Variants in FAT3 observed in about 807,000 individuals in gnomAD.
FAT3 encodes protocadherin Fat 3.
Under a neutral mutation model 310.2 loss-of-function variants are expected in FAT3, and 95 were observed. That is an observed-to-expected ratio of 0.31 (90% CI 0.26 to 0.36). The LOEUF is 0.36. Ranked by LOEUF, FAT3 falls within the 10% of genes least tolerant of loss-of-function variation. FAT3 has a pLI of 1.00. For synonymous variants in FAT3, 2,314 were observed against 2,192.9 expected (o/e 1.06, Z -1.54); for missense variants, 5,408 against 5,715.6 (o/e 0.95, Z 1.74).
chr11:92,450,413 G>A (rs1055467966), intron 2 of FAT3, among the ~76,000 whole-genome samples: 16 of 152,180 alleles, frequency 1.1e-4, no homozygotes, highest in Admixed American at 2.6e-4. Context: ...GGTAGGGTAG[G>A]GATTTATGGG....
rs5793613 is a variant in FAT3 at position 92,605,719 on chromosome 11, G to GTTTTT, written c.3607+80791_3607+80795dup. 7.1e-3 allele frequency among the ~76,000 whole-genome samples: 709 copies of GTTTTT among 99,720 alleles called. 28 individuals are homozygous for GTTTTT. Among genetic ancestry groups the GTTTTT allele is most frequent in the African/African-American group, 0.027 (643 of 23,840 alleles). 65.4% of individuals were successfully genotyped at this position (99,720 alleles called of 152,430 possible). On this transcript the variant is annotated intron_variant, in intron 3 of 27. Coordinates refer to ENST00000525166, the MANE Select transcript of FAT3 (RefSeq NM_001367949.2). ...CAAGATAATGCAATAAAATAGCTAT[G>GTTTTT]TTTTTTTTTTTTTTTTTTTTTTTTA...
intron 1 of FAT3, among the ~76,000 whole-genome samples, chr11:92,283,637 C>T (rs1946485830): frequency 6.6e-6 from 1 of 152,084 alleles, no homozygotes; most frequent in South Asian, 2.1e-4. Flanking sequence ...CAACTAAAAG[C>T]TAAGTGATGT....
intron 3 of FAT3, among the ~76,000 whole-genome samples, chr11:92,528,985 G>A (rs974312416): frequency 1.3e-5 from 2 of 152,222 alleles, no homozygotes; most frequent in African/African-American, 4.8e-5. Context: ...AGGCAGCCAT[G>A]TCTTGCCTTA....
chr11:92,314,999 T>C (rs947786781), intron 1 of FAT3, among the ~76,000 whole-genome samples: 4 of 152,056 alleles, frequency 2.6e-5, no homozygotes, highest in Admixed American at 2.6e-4. Flanking sequence ...TCAAGACTTT[T>C]TTACTCCTAA....
chr11:92,569,511 G>C (rs1326789805), intron 3 of FAT3, among the ~76,000 whole-genome samples: 4 of 152,158 alleles, frequency 2.6e-5, no homozygotes, highest in Non-Finnish European at 5.9e-5. Flanking sequence ...AACGAAAGTT[G>C]AGAACAAGGC....
chr11:92,620,741 T>G (rs1387252479), intron 3 of FAT3, among the ~76,000 whole-genome samples: 2 of 152,222 alleles, frequency 1.3e-5, no homozygotes. Context: ...GTTATTTCTT[T>G]TATGATTATC....
At chr11:92,336,031 G>C in intron 1 of FAT3, 2 of 492,630 alleles carry the variant, frequency 4.1e-6, no homozygotes, top group South Asian at 3.1e-5. Flanking sequence ...TCAGCAACTG[G>C]TCAGTTCTCA....
At chr11:92,677,888 C>A (rs58254134) in intron 3 of FAT3, among the ~76,000 whole-genome samples, 4,133 of 152,220 alleles carry the variant, frequency 0.027, 204 homozygotes, top group African/African-American at 0.094. Context: ...GCAAGTGGCT[C>A]AAGAGTGCTG....
At chr11:92,790,254 C>T in intron 8 of FAT3, 36 bp downstream of exon 8, 2 of 1,604,158 alleles carry the variant, frequency 1.2e-6, no homozygotes, top group South Asian at 1.1e-5. Context: ...TCCTACAGAA[C>T]CACTGACTGT....
At chr11:92,790,964 A>C (rs1379642196) in intron 8 of FAT3, among the ~76,000 whole-genome samples, 1 of 152,178 alleles carries the variant, frequency 6.6e-6, no homozygotes, top group East Asian at 1.9e-4. Context: ...GACCAGGTAG[A>C]AGGACAGACT....
chr11:92,339,524 C>G (rs1189198710), intron 1 of FAT3, among the ~76,000 whole-genome samples: 1 of 152,102 alleles, frequency 6.6e-6, no homozygotes, highest in Non-Finnish European at 1.5e-5. Context: ...AGATATTAGT[C>G]AAATAGTCTT....
intron 5 of FAT3, among the ~76,000 whole-genome samples, chr11:92,762,724 C>G (rs1422193667): frequency 6.6e-6 from 1 of 152,122 alleles, no homozygotes; most frequent in African/African-American, 2.4e-5. Flanking sequence ...AAAGTAAAAA[C>G]AAGCACGGGC....
intron 3 of FAT3, among the ~76,000 whole-genome samples, chr11:92,543,339 C>T (rs1241236459): frequency 6.6e-6 from 1 of 152,102 alleles, no homozygotes; most frequent in African/African-American, 2.4e-5. Flanking sequence ...TTTGAGTGTT[C>T]TCACCACACA....
chr11:92,737,914 A>T (rs1279518078), intron 4 of FAT3, among the ~76,000 whole-genome samples: 1 of 152,074 alleles, frequency 6.6e-6, no homozygotes, highest in African/African-American at 2.4e-5. Flanking sequence ...CTGCCCCCTG[A>T]TTGCTTCAAA....
At chr11:92,311,542 G>T (rs1947305611) in intron 1 of FAT3, among the ~76,000 whole-genome samples, 1 of 152,156 alleles carries the variant, frequency 6.6e-6, no homozygotes, top group Non-Finnish European at 1.5e-5. Context: ...TGTGGGAAGT[G>T]TTTTCTTCAA....
chr11:92,688,590 G>C (rs189321397), intron 3 of FAT3, among the ~76,000 whole-genome samples: 1 of 152,112 alleles, frequency 6.6e-6, no homozygotes, highest in Admixed American at 6.6e-5. Flanking sequence ...GGACCCTGAC[G>C]TGAGTATTTT....
At chr11:92,315,508 TATATAGAGAGAGAGAGAG>T (rs1947428153) in intron 1 of FAT3, among the ~76,000 whole-genome samples, 1 of 83,352 alleles carries the variant, frequency 1.2e-5, no homozygotes, top group African/African-American at 5.1e-5. Context: ...TATATATATA[TATATAGAGAGAGAGAGAG>T]AGAGAGAGAG....
At chr11:92,734,036 C>G (rs1052520886) in intron 4 of FAT3, among the ~76,000 whole-genome samples, 1 of 152,208 alleles carries the variant, frequency 6.6e-6, no homozygotes, top group African/African-American at 2.4e-5. Context: ...CCCAATAACT[C>G]TGTTATGATA....
chr11:92,865,286 G>C (rs1949214318), intron 21 of FAT3, among the ~76,000 whole-genome samples: 1 of 152,238 alleles, frequency 6.6e-6, no homozygotes, highest in Non-Finnish European at 1.5e-5. Flanking sequence ...GAGAATGAGA[G>C]ATGCTCTGAT....
Sources: allele counts gnomAD v4.1 joint callset (sites outside exome capture counted in the v4.1 genomes callset), GRCh38; gene constraint gnomAD v4.1.1; transcripts MANE v1.5; gene names NCBI Gene and HGNC (gene_info 2026-07-23, HGNC 2026-07-21).